The following EPHA5 variants were observed in gnomAD, a reference collection of about 807,000 sequenced individuals.
EPHA5 encodes the protein ephrin type-A receptor 5.
A neutral mutation model predicts 105.0 loss-of-function variants in EPHA5; 60 were observed. The observed-to-expected ratio is 0.57, with a 90% CI of 0.46 to 0.71. The LOEUF (loss-of-function observed/expected upper bound fraction) is 0.71, where lower values mean the gene tolerates loss of function less well. EPHA5 is among the 30% of genes least tolerant of loss of function. The pLI is 0.00. For missense variants in EPHA5, 1,218 were observed against 1,274.7 expected, an observed-to-expected ratio of 0.96 and a Z score of 0.68; for synonymous variants, 513 against 449.1, an observed-to-expected ratio of 1.14 and a Z score of -1.80.
chr4:65,326,018 T>C (rs997774108), intron 16 of EPHA5, among the ~76,000 whole-genome samples: 1 of 146,508 alleles, frequency 6.8e-6, no homozygotes, highest in African/African-American at 2.6e-5. Context: ...ATATCTCATA[T>C]ATATATATAT....
chr4:65,554,541 A>C (rs1259233379), intron 3 of EPHA5, among the ~76,000 whole-genome samples: 1 of 151,346 alleles, frequency 6.6e-6, no homozygotes, highest in Non-Finnish European at 1.5e-5. Flanking sequence ...TAAAAACAAA[A>C]ATATAAATAA....
In EPHA5 at chr4:65,495,460, C is replaced by T. The variant is rs759135705; in HGVS notation, c.994G>A (p.Ala332Thr). 6.2e-6 allele frequency: 10 copies of T among 1,613,778 alleles called. No homozygotes were observed. Among genetic ancestry groups the T allele is most frequent in the East Asian group, 4.5e-5 (2 of 44,880 alleles). ...CPPHSYTHEE[A>T]STSCVCEKDY... ...TTTTCACAGACACAAGAGGTTGAAG[C>T]TTCCTCATGGGTATAACTGTGAGGT... Residue 332 changes from alanine to threonine, a missense_variant, in exon 4 of 17, where the codon GCT becomes ACT. This residue lies in a region of EPHA5 where 971 missense variants were observed against 1,013.5 expected (regional missense o/e 0.96). Transcript: ENST00000613740.
chr4:65,330,355 A>C (rs995883214), intron 16 of EPHA5, among the ~76,000 whole-genome samples: 1 of 151,480 alleles, frequency 6.6e-6, no homozygotes, highest in Admixed American at 6.6e-5. Flanking sequence ...AAAAAAAGGA[A>C]TAAGAAAAAT....
At chr4:65,402,129 C>T (rs1177826355) in intron 8 of EPHA5, among the ~76,000 whole-genome samples, 2 of 151,456 alleles carry the variant, frequency 1.3e-5, no homozygotes, top group Non-Finnish European at 2.9e-5. Flanking sequence ...GGGACTCTTC[C>T]CCCTTGGTTC....
intron 8 of EPHA5, among the ~76,000 whole-genome samples, chr4:65,400,405 G>T (rs551389527): frequency 5.5e-4 from 83 of 152,274 alleles, no homozygotes; most frequent in Non-Finnish European, 1.1e-3. Flanking sequence ...ACAGTGAAGA[G>T]AGTCTGAACC....
intron 3 of EPHA5, among the ~76,000 whole-genome samples, chr4:65,595,728 C>T (rs886550104): frequency 3.3e-5 from 5 of 151,848 alleles, no homozygotes; most frequent in African/African-American, 4.8e-5. Context: ...TTACAGGCTC[C>T]CGCCACCACG....
intron 3 of EPHA5, among the ~76,000 whole-genome samples, chr4:65,546,866 GT>G: frequency 6.8e-6 from 1 of 147,668 alleles, no homozygotes; most frequent in African/African-American, 2.5e-5. Flanking sequence ...CTTTTTTTTT[GT>G]TTTTCTAATT....
Position 65,573,503 on chromosome 4 carries a change from A to AC in EPHA5, c.910+28137dup, listed in dbSNP as rs1740452777. On this transcript the variant is annotated intron_variant, in intron 3 of 16. Transcript: ENST00000613740. ...AGAAGCCAGATACTAAAGAGAAGAA[A>AC]CCCGAAGCCAAGAAGACTGATGCTG... 8.2e-6 allele frequency: 13 copies of AC among 1,591,738 alleles called. 1 individual carries two copies. In the Admixed American group the frequency reaches 2.0e-4, roughly 25 times the overall value.
chr4:65,370,799 A>G (rs1228340249), intron 8 of EPHA5, among the ~76,000 whole-genome samples: 8 of 152,182 alleles, frequency 5.3e-5, no homozygotes, highest in Admixed American at 3.3e-4. Flanking sequence ...CTGGAGCTCC[A>G]TAACATATAC....
intron 5 of EPHA5, among the ~76,000 whole-genome samples, chr4:65,471,153 T>C (rs1310075243): frequency 6.6e-6 from 1 of 152,212 alleles, no homozygotes; most frequent in African/African-American, 2.4e-5. Context: ...TGCAAATTGT[T>C]CATTGCTCAA....
At chr4:65,368,740 A>G (rs901611543) in intron 8 of EPHA5, among the ~76,000 whole-genome samples, 1 of 152,150 alleles carries the variant, frequency 6.6e-6, no homozygotes, top group Non-Finnish European at 1.5e-5. Context: ...TAATATAAAG[A>G]TTCCTAAATG....
chr4:65,330,900 TTATCGG>T, intron 16 of EPHA5: 1 of 1,038,308 alleles, frequency 9.6e-7, no homozygotes, highest in Non-Finnish European at 1.2e-6. Context: ...GTCCTTTTAG[TTATCGG>T]TATGAAGGAA....
chr4:65,559,871 C>T (rs1157931841), intron 3 of EPHA5, among the ~76,000 whole-genome samples: 1 of 151,930 alleles, frequency 6.6e-6, no homozygotes, highest in African/African-American at 2.4e-5. Flanking sequence ...TAAAATGTCT[C>T]GATTACTGAA....
At chr4:65,414,760 T>G (rs1292762703) in intron 6 of EPHA5, among the ~76,000 whole-genome samples, 1 of 150,296 alleles carries the variant, frequency 6.7e-6, no homozygotes, top group Non-Finnish European at 1.5e-5. Flanking sequence ...TCTATTTTAG[T>G]ATTGTTATTT....
At position 65,495,548 on chromosome 4, in the gene EPHA5, C is replaced by G. The variant is rs547322979; in HGVS notation, c.911-5G>C. 77 of 1,604,350 alleles carry G rather than the reference C, an allele frequency of 4.8e-5. 1 individual carries two copies. In the South Asian group the frequency reaches 8.1e-4, roughly 17 times the overall value. On this transcript the variant is annotated splice_polypyrimidine_tract_variant and splice_region_variant and intron_variant, in intron 3 of 16. Transcript: ENST00000613740. Reference sequence around the variant, plus strand: ...TGAAGAACCCAGGTCTGCACACTGTCAAAAGAAATAAGAGACTAAGCTTTT... The same window carrying G: ...TGAAGAACCCAGGTCTGCACACTGTGAAAAGAAATAAGAGACTAAGCTTTT...
chr4:65,352,049 G>A (rs946186887), intron 12 of EPHA5, among the ~76,000 whole-genome samples: 3 of 151,990 alleles, frequency 2.0e-5, no homozygotes, highest in Non-Finnish European at 4.4e-5. Context: ...TGACTGAGCA[G>A]TGATCAGGTC....
At chr4:65,324,742 C>CT (rs368440921) in intron 16 of EPHA5, among the ~76,000 whole-genome samples, 2,637 of 131,326 alleles carry the variant, frequency 0.02, 77 homozygotes, top group African/African-American at 0.064. Flanking sequence ...CAATGTTTTA[C>CT]TTTTTTTTTT....
intron 3 of EPHA5, among the ~76,000 whole-genome samples, chr4:65,562,005 A>G (rs1372034084): frequency 2.0e-5 from 3 of 152,108 alleles, no homozygotes; most frequent in Non-Finnish European, 4.4e-5. Context: ...AATGTCTGCA[A>G]TCTAGATAAC....
Position 65,669,747 on chromosome 4 carries a change from T to A in EPHA5, c.-5A>T. The stretch of plus-strand genomic sequence containing the variant: ...CCGGGGCCCCGAGCCCCGCATCTTC[T>A]CCGAGCCTCCTCCGGTGCCGCTGTC... On this transcript the variant is annotated 5_prime_UTR_variant, in exon 1 of 17. Coordinates refer to ENST00000613740, the MANE Select transcript of EPHA5 (RefSeq NM_001281766.3). The A allele has an allele frequency of 1.6e-6, 2 of 1,253,226 alleles. No homozygotes were observed. Among genetic ancestry groups the A allele is most frequent in the Non-Finnish European group, 2.0e-6 (2 of 998,238 alleles). 77.6% of individuals were successfully genotyped at this position (1,253,226 alleles called of 1,614,324 possible). A position where few individuals can be genotyped will look rare whatever the true frequency, so the allele number is the denominator to read the frequency against.
Sources: gnomAD v4.1 joint callset for allele counts (sites outside exome capture counted in the v4.1 genomes callset) on GRCh38, gnomAD v4.1.1 for gene constraint, gnomAD v4.1.1 regional missense constraint, MANE v1.5 for transcripts, NCBI Gene and HGNC (gene_info 2026-07-23, HGNC 2026-07-21) for gene names.